Variants in BRINP1 observed in about 807,000 individuals in gnomAD.
The protein encoded by BRINP1 is BMP/retinoic acid-inducible neural-specific protein 1.
BRINP1 carries 17 observed loss-of-function variants against 72.9 expected under a neutral mutation model. The ratio of observed to expected loss-of-function variants is 0.23; its 90% confidence interval spans 0.16 to 0.35. The LOEUF (loss-of-function observed/expected upper bound fraction) is 0.35, where lower values mean the gene tolerates loss of function less well. BRINP1 is among the 10% of genes least tolerant of loss of function. The probability of loss-of-function intolerance (pLI) is 1.00; values close to 1 mark genes in which losing one functional copy is unlikely to be tolerated. For synonymous variants in BRINP1, 418 were observed against 378.5 expected (o/e 1.10, Z -1.21); for missense variants, 850 against 1,001.6 (o/e 0.85, Z 2.04).
Position 119,173,408 on chromosome 9 carries a change from A to G in BRINP1, c.1146-5184T>C, listed in dbSNP as rs1331102006. Among the ~76,000 whole-genome samples, 7 of 149,666 alleles carry G rather than the reference A, an allele frequency of 4.7e-5. No individual in the cohort carries two copies. The South Asian group carries it at 8.5e-4, about 18-fold the overall frequency. On this transcript the variant is annotated intron_variant, in intron 7 of 7. Coordinates refer to ENST00000265922, the MANE Select transcript of BRINP1 (RefSeq NM_014618.3). ...TTGCTTCAAAGAGAATAAAATACCTAGGAATCCAACTTACAAGGGATGTGA... is the reference window on the plus strand; with the variant it reads ...TTGCTTCAAAGAGAATAAAATACCTGGGAATCCAACTTACAAGGGATGTGA...
Position 119,180,645 on chromosome 9 carries a change from C to CA in BRINP1, c.1146-12422dup, listed in dbSNP as rs1285541833. ...ATGAATTATAACTGGCCATCAGACT[C>CA]ACTCTGTTCACTATTTTTCCCAGAT... On this transcript the variant is annotated intron_variant, in intron 7 of 7. Coordinates refer to ENST00000265922, the MANE Select transcript of BRINP1 (RefSeq NM_014618.3). Among the ~76,000 whole-genome samples the CA allele has an allele frequency of 2.0e-5, 3 of 152,300 alleles. No homozygotes were observed. In the East Asian group the frequency reaches 5.8e-4, roughly 29 times the overall value.
chr9:119,200,989 C>T (rs533460667), intron 7 of BRINP1, among the ~76,000 whole-genome samples: 2 of 152,120 alleles, frequency 1.3e-5, no homozygotes, highest in African/African-American at 4.8e-5. Flanking sequence ...CTGAGAGAGA[C>T]AAGAAATGGT....
At chr9:119,169,101 T>C (rs1829365340) in intron 7 of BRINP1, among the ~76,000 whole-genome samples, 1 of 152,160 alleles carries the variant, frequency 6.6e-6, no homozygotes, top group African/African-American at 2.4e-5. Flanking sequence ...AATGATAGAC[T>C]GGATAAAGAA....
chr9:119,177,945 G>A (rs1039355876), intron 7 of BRINP1, among the ~76,000 whole-genome samples: 1 of 152,162 alleles, frequency 6.6e-6, no homozygotes, highest in Non-Finnish European at 1.5e-5. Context: ...TGTTCACGGG[G>A]AGCAGGGAGC....
intron 2 of BRINP1, among the ~76,000 whole-genome samples, chr9:119,287,189 G>A (rs548665268): frequency 3.8e-4 from 58 of 152,164 alleles, no homozygotes; most frequent in Middle Eastern, 3.4e-3. Flanking sequence ...TAATTCACAT[G>A]GTGCTTTAAG....
intron 7 of BRINP1, among the ~76,000 whole-genome samples, chr9:119,192,117 G>C (rs1049688861): frequency 6.6e-6 from 1 of 151,782 alleles, no homozygotes; most frequent in Non-Finnish European, 1.5e-5. Flanking sequence ...TGGATAAAAG[G>C]CCTCATTGGA....
chr9:119,210,230 C>T (rs1829909109), intron 6 of BRINP1, among the ~76,000 whole-genome samples: 1 of 152,050 alleles, frequency 6.6e-6, no homozygotes, highest in African/African-American at 2.4e-5. Context: ...TTAAAAATAT[C>T]AAGGGGTTGA....
chr9:119,309,478 C>T lies in BRINP1; in HGVS notation c.218+3660G>A, dbSNP rs368911975. On this transcript the variant is annotated intron_variant, in intron 2 of 7. Coordinates refer to ENST00000265922, the MANE Select transcript of BRINP1 (RefSeq NM_014618.3). ...GTGATATGGGACAATAATAGTATTT[C>T]CCTTCAGAGTGTGGCTATGAGGAGT... is the stretch of plus-strand genomic sequence containing the variant. Among the ~76,000 whole-genome samples, 87 of 152,238 alleles carry T rather than the reference C, an allele frequency of 5.7e-4. 1 individual carries two copies. Among genetic ancestry groups the T allele is most frequent in the African/African-American group, 2.1e-3 (86 of 41,538 alleles).
chr9:119,354,111 T>C (rs1253475750), intron 1 of BRINP1, among the ~76,000 whole-genome samples: 1 of 152,130 alleles, frequency 6.6e-6, no homozygotes, highest in Non-Finnish European at 1.5e-5. Flanking sequence ...CATCATCATA[T>C]CTGAAATAAT....
chr9:119,330,087 G>C (rs1007076487), intron 1 of BRINP1, among the ~76,000 whole-genome samples: 16 of 152,158 alleles, frequency 1.1e-4, no homozygotes, highest in Non-Finnish European at 1.9e-4. Flanking sequence ...CACCAGTGAG[G>C]GATGTGAACA....
At position 119,168,111 on chromosome 9, in the gene BRINP1, G is replaced by A. The variant is rs548387605; in HGVS notation, c.1259C>T (p.Thr420Met). Residue 420 changes from threonine to methionine, a missense_variant, in exon 8 of 8, where the codon ACG becomes ATG. Coordinates refer to ENST00000265922, the MANE Select transcript of BRINP1 (RefSeq NM_014618.3). ...GCAGGGGATGGGGCGCTGGCACAGC[G>A]TGGTGCTGCCGTGGCACACGCAGCT... is the stretch of plus-strand genomic sequence containing the variant. ...QRSCVCHGST[T>M]LCQRPIPCVI... 1.2e-4 allele frequency: 187 copies of A among 1,608,556 alleles called. No homozygotes were observed. The highest frequency in any genetic ancestry group is 3.3e-4 in the Middle Eastern group (2 of 6,044).
At chr9:119,212,328 C>A (rs560057037) in intron 6 of BRINP1, among the ~76,000 whole-genome samples, 78 of 152,334 alleles carry the variant, frequency 5.1e-4, no homozygotes, top group African/African-American at 1.8e-3. Flanking sequence ...TACACAGTGG[C>A]TCCTAGGTAA....
intron 2 of BRINP1, among the ~76,000 whole-genome samples, chr9:119,265,887 C>A (rs540503724): frequency 2.0e-5 from 3 of 152,164 alleles, no homozygotes; most frequent in Non-Finnish European, 4.4e-5. Flanking sequence ...TCCTCGCTCC[C>A]TCTCTCCTCC....
At chr9:119,282,829 G>A (rs929601234) in intron 2 of BRINP1, 2 of 985,064 alleles carry the variant, frequency 2.0e-6, no homozygotes, top group Non-Finnish European at 1.2e-6. Context: ...AGTAATAGCT[G>A]GTCACAGTGG....
intron 1 of BRINP1, among the ~76,000 whole-genome samples, chr9:119,318,841 TG>T (rs144791296): frequency 8.7e-6 from 1 of 114,720 alleles, no homozygotes; most frequent in African/African-American, 3.4e-5. Flanking sequence ...GAGAAATGTG[TG>T]GGGTGTGTGT....
At chr9:119,234,014 G>C (rs1830170434) in intron 5 of BRINP1, among the ~76,000 whole-genome samples, 1 of 152,156 alleles carries the variant, frequency 6.6e-6, no homozygotes, top group Admixed American at 6.5e-5. Flanking sequence ...CTCATTGTAT[G>C]AATGTATGAC....
At chr9:119,352,332 T>G (rs1564255375) in intron 1 of BRINP1, among the ~76,000 whole-genome samples, 1 of 152,230 alleles carries the variant, frequency 6.6e-6, no homozygotes, top group Non-Finnish European at 1.5e-5. Flanking sequence ...TATGTATTTT[T>G]TTTGAATTGG....
intron 5 of BRINP1, among the ~76,000 whole-genome samples, chr9:119,219,697 A>AGAGAGAGAGAG (rs1830019199): frequency 1.7e-4 from 16 of 96,394 alleles, no homozygotes; most frequent in African/African-American, 5.7e-4. Flanking sequence ...GAGAGAGAGA[A>AGAGAGAGAGAG]AGAGATGTAA....
intron 5 of BRINP1, among the ~76,000 whole-genome samples, chr9:119,214,469 T>C (rs1300052692): frequency 6.6e-6 from 1 of 152,230 alleles, no homozygotes; most frequent in Non-Finnish European, 1.5e-5. Flanking sequence ...AAAACTCTTA[T>C]TGAAAATATA....
Sources: gnomAD v4.1 joint callset for allele counts (sites outside exome capture counted in the v4.1 genomes callset) on GRCh38, gnomAD v4.1.1 for gene constraint, MANE v1.5 for transcripts, NCBI Gene and HGNC (gene_info 2026-07-23, HGNC 2026-07-21) for gene names.